SLCO4C1: variants seen among roughly 807,000 people sequenced by gnomAD.
SLCO4C1 encodes the protein organic anion transporter M1.
SLCO4C1 carries 58 observed loss-of-function variants against 72.1 expected under a neutral mutation model. That is an observed-to-expected ratio of 0.80 (90% CI 0.65 to 1.00). The LOEUF (loss-of-function observed/expected upper bound fraction) is 1.00, where lower values mean the gene tolerates loss of function less well. Among genes scored for constraint, SLCO4C1 ranks in the 50% least tolerant of loss-of-function variants. SLCO4C1 has a pLI of 0.00. For missense variants in SLCO4C1, 898 were observed against 857.9 expected (o/e 1.05, Z -0.58); for synonymous variants, 297 against 312.5 (o/e 0.95, Z 0.52).
chr5:102,236,888 C>T lies in SLCO4C1; in HGVS notation c.2145G>A (p.Gln715=). Residue 715 remains glutamine (Q), a synonymous_variant, in exon 13 of 13, where the codon CAG becomes CAA. Coordinates refer to ENST00000310954, the MANE Select transcript of SLCO4C1 (RefSeq NM_180991.5). ...NAVVTNVLAE[Q]DLNKIVKEG ...CTTCTTTTACTATTTTGTTGAGATCCTGTTCTGCTAAAACATTAGTCACAA... is the reference window on the plus strand; with the variant it reads ...CTTCTTTTACTATTTTGTTGAGATCTTGTTCTGCTAAAACATTAGTCACAA... 6.2e-7 allele frequency: 1 copy of T among 1,612,688 alleles called. No individual in the cohort carries two copies. Among genetic ancestry groups the T allele is most frequent in the Non-Finnish European group, 8.5e-7 (1 of 1,179,628 alleles).
At chr5:102,257,519 T>C (rs1748858998) in intron 7 of SLCO4C1, among the ~76,000 whole-genome samples, 1 of 152,152 alleles carries the variant, frequency 6.6e-6, no homozygotes, top group Admixed American at 6.5e-5. Flanking sequence ...TAATATATGT[T>C]CTCTTTAGGA....
intron 11 of SLCO4C1, among the ~76,000 whole-genome samples, chr5:102,240,385 T>G (rs10463967): frequency 0.15 from 22,524 of 152,080 alleles, 1,817 homozygotes; most frequent in South Asian, 0.3. Context: ...TTTTAATTGC[T>G]AGTGTAACAC....
intron 7 of SLCO4C1, 50 bp from the exon 8 acceptor site, chr5:102,257,360 A>G: frequency 7.3e-7 from 1 of 1,366,560 alleles, no homozygotes; most frequent in South Asian, 1.6e-5. Context: ...ACATATACTC[A>G]CTCATACTGA....
chr5:102,258,805 T>C (rs1279811027), intron 6 of SLCO4C1, among the ~76,000 whole-genome samples: 1 of 151,588 alleles, frequency 6.6e-6, no homozygotes, highest in East Asian at 1.9e-4. Flanking sequence ...GATGGGAGCT[T>C]TAGAAGTCAG....
intron 1 of SLCO4C1, among the ~76,000 whole-genome samples, chr5:102,293,762 G>C (rs906083836): frequency 1.3e-5 from 2 of 151,842 alleles, no homozygotes; most frequent in African/African-American, 2.4e-5. Flanking sequence ...TTGAGACCTT[G>C]CCTCGCTCTG....
Position 102,236,992 on chromosome 5 carries a change from A to G in SLCO4C1, c.2041T>C (p.Phe681Leu). 1 of 1,609,542 alleles carries G rather than the reference A, an allele frequency of 6.2e-7. No individual in the cohort carries two copies. Among genetic ancestry groups the G allele is most frequent in the Non-Finnish European group, 8.5e-7 (1 of 1,179,180 alleles). Reference protein sequence around the residue: ...ISVTCKVITMFFNGFAIFLYK... With the variant: ...ISVTCKVITMLFNGFAIFLYK... ...AAAAAGATTGCAAATCCATTGAAGA[A>G]CATGGTGATAACTTTACAAGTAACA... Residue 681 changes from phenylalanine to leucine, a missense_variant, in exon 13 of 13, where the codon TTC (phenylalanine) becomes CTC (leucine). Transcript: ENST00000310954.
chr5:102,254,763 T>C (rs1748803643), intron 8 of SLCO4C1, among the ~76,000 whole-genome samples: 1 of 152,218 alleles, frequency 6.6e-6, no homozygotes, highest in Non-Finnish European at 1.5e-5. Flanking sequence ...TTATTGTATA[T>C]GTAATAGACT....
chr5:102,289,759 C>T (rs976690345), intron 2 of SLCO4C1, among the ~76,000 whole-genome samples: 1 of 152,202 alleles, frequency 6.6e-6, no homozygotes, highest in Non-Finnish European at 1.5e-5. Context: ...GCTCTCTCTG[C>T]TGATAACTTA....
chr5:102,269,912 G>C (rs1749118138), intron 3 of SLCO4C1, among the ~76,000 whole-genome samples: 1 of 151,940 alleles, frequency 6.6e-6, no homozygotes, highest in African/African-American at 2.4e-5. Flanking sequence ...CTTTGGGTTT[G>C]ATTCTGGGTG....
chr5:102,241,141 C>A (rs1748532719), intron 10 of SLCO4C1, among the ~76,000 whole-genome samples: 1 of 151,988 alleles, frequency 6.6e-6, no homozygotes, highest in South Asian at 2.1e-4. Flanking sequence ...TATAACAAAT[C>A]CACAGCTAAC....
In SLCO4C1 at chr5:102,291,619, A is replaced by G. The variant is rs375525622; in HGVS notation, c.356-13T>C. On this transcript the variant is annotated splice_polypyrimidine_tract_variant and intron_variant, in intron 1 of 12. Transcript: ENST00000310954. ...TTAACTACAATACCTAAAAAACAGA[A>G]AAGTTGATGTGCATCATTAATATTT... The G allele has an allele frequency of 6.3e-7, 1 of 1,588,204 alleles. No individual in the cohort carries two copies. The highest frequency in any genetic ancestry group is 1.4e-5 in the African/African-American group (1 of 73,786).
chr5:102,255,197 A>C (rs1217811804), intron 8 of SLCO4C1, among the ~76,000 whole-genome samples: 4 of 151,690 alleles, frequency 2.6e-5, no homozygotes, highest in Admixed American at 6.6e-5. Flanking sequence ...TGTGTATTAA[A>C]CACTATATCC....
intron 1 of SLCO4C1, among the ~76,000 whole-genome samples, chr5:102,294,455 T>C (rs1233129151): frequency 1.3e-5 from 2 of 152,202 alleles, no homozygotes; most frequent in Admixed American, 1.3e-4. Flanking sequence ...TTACATTTGA[T>C]AACAATTTTA....
Position 102,257,307 on chromosome 5 carries a change from G to T in SLCO4C1, c.1277C>A (p.Ala426Asp). 5.7e-6 allele frequency: 9 copies of T among 1,581,764 alleles called. No individual in the cohort carries two copies. The highest frequency in any genetic ancestry group is 7.7e-6 in the Non-Finnish European group (9 of 1,168,338). The part of the protein sequence containing the change: ...TSSFAATLGG[A>D]VLIPGAALGQ... ...GAGAGCAGCTCCAGGAATTAAAACA[G>T]CCCCTAATAAGAAAAAAGAATGTAG... The change falls in exon 8 of 13, where the codon GCT becomes GAT. Residue 426 changes from alanine to aspartate, a missense_variant. Transcript: ENST00000310954.
At position 102,270,654 on chromosome 5, in the gene SLCO4C1, C is replaced by G; in HGVS notation, c.772G>C (p.Val258Leu). The G allele has an allele frequency of 6.2e-7, 1 of 1,612,450 alleles. No homozygotes were observed. The highest frequency in any genetic ancestry group is 8.5e-7 in the Non-Finnish European group (1 of 1,179,196). ...TAGAGAGAAGACTTGTGTGTGGGCA[C>G]AGAATCATCAAGAAAGGCTGTTCCC... ...TLGTAFLDDS[V>L]PTHKSSLYIG... The change falls in exon 3 of 13, where the codon GTG becomes CTG. Residue 258 changes from valine to leucine, a missense_variant. Coordinates refer to ENST00000310954, the MANE Select transcript of SLCO4C1 (RefSeq NM_180991.5).
At chr5:102,266,407 T>G (rs531419620) in intron 3 of SLCO4C1, among the ~76,000 whole-genome samples, 3 of 152,316 alleles carry the variant, frequency 2.0e-5, no homozygotes, top group Admixed American at 6.5e-5. Context: ...CCTAGCACTT[T>G]GGGAGGCCGA....
intron 8 of SLCO4C1, among the ~76,000 whole-genome samples, chr5:102,254,148 AC>A (rs1231975755): frequency 6.6e-6 from 1 of 151,906 alleles, no homozygotes; most frequent in Non-Finnish European, 1.5e-5. Flanking sequence ...CATCCTCAGA[AC>A]CTCTTCTGTC....
intron 9 of SLCO4C1, among the ~76,000 whole-genome samples, chr5:102,249,044 A>G (rs983435640): frequency 6.6e-6 from 1 of 152,208 alleles, no homozygotes; most frequent in Non-Finnish European, 1.5e-5. Flanking sequence ...AAATAAAACA[A>G]ATACTAAGTT....
At chr5:102,255,225 T>G (rs890803626) in intron 8 of SLCO4C1, among the ~76,000 whole-genome samples, 1 of 152,192 alleles carries the variant, frequency 6.6e-6, no homozygotes, top group Non-Finnish European at 1.5e-5. Context: ...TAATATATCT[T>G]AATGGCCAAC....
Sources: allele counts gnomAD v4.1 joint callset (sites outside exome capture counted in the v4.1 genomes callset), GRCh38; gene constraint gnomAD v4.1.1; transcripts MANE v1.5; gene names NCBI Gene and HGNC (gene_info 2026-07-23, HGNC 2026-07-21).